The following DPP6 variants were observed in gnomAD, a reference collection of about 807,000 sequenced individuals.
The protein encoded by DPP6 is dipeptidyl peptidase like 6, also known as A-type potassium channel modulatory protein DPP6.
A neutral mutation model predicts 122.6 loss-of-function variants in DPP6; 69 were observed. The observed-to-expected ratio is 0.56, with a 90% CI of 0.46 to 0.69. The LOEUF is 0.69. Among genes scored for constraint, DPP6 ranks in the 30% least tolerant of loss-of-function variants. DPP6 has a pLI of 0.00. For missense variants in DPP6, 928 were observed against 1,116.9 expected (o/e 0.83, Z 2.41); for synonymous variants, 418 against 433.1 (o/e 0.97, Z 0.43).
chr7:154,296,458 C>T (rs1805549838), intron 1 of DPP6, among the ~76,000 whole-genome samples: 1 of 152,172 alleles, frequency 6.6e-6, no homozygotes, highest in African/African-American at 2.4e-5. Flanking sequence ...AAGCAGCTAG[C>T]ACATAGCAGT....
At chr7:154,455,342 A>G (rs1425353016) in intron 2 of DPP6, among the ~76,000 whole-genome samples, 3 of 152,284 alleles carry the variant, frequency 2.0e-5, no homozygotes, top group Middle Eastern at 6.8e-3. Flanking sequence ...AGTCAGAAGA[A>G]GGCAGAGAGG....
chr7:154,089,986 C>A (rs1804691548), intron 1 of DPP6, among the ~76,000 whole-genome samples: 2 of 152,316 alleles, frequency 1.3e-5, no homozygotes, highest in East Asian at 3.9e-4. Context: ...CAAGTGAGAC[C>A]AGACTGTTTT....
At chr7:154,782,101 T>G (rs1797063381) in intron 10 of DPP6, among the ~76,000 whole-genome samples, 1 of 152,198 alleles carries the variant, frequency 6.6e-6, no homozygotes, top group Non-Finnish European at 1.5e-5. Flanking sequence ...CCCCACCCTG[T>G]GCTGAAGTTA....
chr7:154,728,930 C>CTCCA (rs1382697585), intron 8 of DPP6, among the ~76,000 whole-genome samples: 1 of 152,218 alleles, frequency 6.6e-6, no homozygotes, highest in Admixed American at 6.5e-5. Flanking sequence ...CTTACAAAGG[C>CTCCA]TCCACCTCCT....
intron 1 of DPP6, among the ~76,000 whole-genome samples, chr7:154,101,332 G>A (rs58770799): frequency 0.45 from 57,542 of 126,652 alleles, 14,354 homozygotes; most frequent in East Asian, 0.54. Context: ...GCTAGAGCCT[G>A]GAGCTCAGTA....
At chr7:153,803,965 G>GA in the DPP6 span, among the ~76,000 whole-genome samples, 6 of 151,392 alleles carry the variant, frequency 4.0e-5, no homozygotes, top group Admixed American at 3.9e-4. Context: ...TACTCCCCAA[G>GA]AATTTCAAGT....
At chr7:154,727,680 C>A (rs987285362) in intron 7 of DPP6, 87 bp from the exon 8 acceptor site, 44 of 1,461,252 alleles carry the variant, frequency 3.0e-5, no homozygotes, top group Middle Eastern at 4.9e-4. Context: ...AATGAAAACC[C>A]GGTTGATGAT....
chr7:154,114,699 A>G (rs1806850875), intron 1 of DPP6, among the ~76,000 whole-genome samples: 1 of 152,192 alleles, frequency 6.6e-6, no homozygotes. Flanking sequence ...TGCACTCTCC[A>G]TACTGATGTT....
rs1236016076 is a variant in DPP6 at position 154,241,129 on chromosome 7, A to G, written c.243+188066A>G. Among the ~76,000 whole-genome samples, 1 of 151,464 alleles carries G rather than the reference A, an allele frequency of 6.6e-6. No homozygotes were observed. The highest frequency in any genetic ancestry group is 6.6e-5 in the Admixed American group (1 of 15,152). On this transcript the variant is annotated intron_variant, in intron 1 of 25. Transcript: ENST00000377770. This position sits in a 1 kb window ranked among gnomAD's most constrained non-coding sequence, Gnocchi z 9.0. ...ATGTAACCACATACTGCTTTGCACC[A>G]ATGATTGGGCACAAATATAAACATA...
intron 1 of DPP6, among the ~76,000 whole-genome samples, chr7:154,321,832 AGAG>A (rs1807992654): frequency 6.6e-6 from 1 of 151,466 alleles, no homozygotes; most frequent in Admixed American, 6.6e-5. Flanking sequence ...ATGGCTTTAC[AGAG>A]GAGCTTCTCT....
At chr7:154,810,058 GT>G (rs1798953951) in intron 16 of DPP6, among the ~76,000 whole-genome samples, 1 of 152,208 alleles carries the variant, frequency 6.6e-6, no homozygotes, top group Admixed American at 6.5e-5. Context: ...GTTTTGCCAT[GT>G]TGGCCAGGCT....
intron 1 of DPP6, among the ~76,000 whole-genome samples, chr7:154,046,943 C>T (rs544526491): frequency 4.4e-4 from 67 of 152,054 alleles, no homozygotes; most frequent in African/African-American, 1.5e-3. Flanking sequence ...TTTCTATTAG[C>T]CTGCAGGAGA....
chr7:154,179,184 A>G (rs906962509), intron 1 of DPP6, among the ~76,000 whole-genome samples: 6 of 152,226 alleles, frequency 3.9e-5, no homozygotes, highest in Admixed American at 1.3e-4. Context: ...GAGAGGAGGA[A>G]GACTGAGTGT....
intron 1 of DPP6, among the ~76,000 whole-genome samples, chr7:154,392,068 G>A (rs1442510563): frequency 6.6e-6 from 1 of 152,196 alleles, no homozygotes; most frequent in Admixed American, 6.5e-5. Flanking sequence ...GAGCTCAGGA[G>A]TTCGAGACCA....
intron 1 of DPP6, among the ~76,000 whole-genome samples, chr7:153,939,946 C>A (rs147844483): frequency 6.6e-6 from 1 of 152,114 alleles, no homozygotes; most frequent in Non-Finnish European, 1.5e-5. Flanking sequence ...GAAACATGCC[C>A]GATCGTAAGG....
the DPP6 span, among the ~76,000 whole-genome samples, chr7:153,867,226 T>C: frequency 6.6e-6 from 1 of 152,190 alleles, no homozygotes; most frequent in South Asian, 2.1e-4. Context: ...ATTGAATCTA[T>C]AAATTACCTT....
chr7:154,851,598 C>G (rs1294348037), intron 16 of DPP6, among the ~76,000 whole-genome samples: 2 of 152,188 alleles, frequency 1.3e-5, no homozygotes, highest in South Asian at 2.1e-4. Context: ...AGTGCTGCCT[C>G]TTTGGGTATA....
At chr7:154,561,391 T>C (rs531238801) in intron 4 of DPP6, among the ~76,000 whole-genome samples, 5 of 152,302 alleles carry the variant, frequency 3.3e-5, no homozygotes, top group Admixed American at 2.0e-4. Context: ...ATGGAAATTA[T>C]ACAAAGTATG....
intron 1 of DPP6, among the ~76,000 whole-genome samples, chr7:154,421,116 G>A (rs1277776189): frequency 3.3e-5 from 5 of 152,036 alleles, no homozygotes; most frequent in South Asian, 2.1e-4. Flanking sequence ...CCCACGTCAC[G>A]TCTGACACTC....
Sources: allele counts gnomAD v4.1 joint callset (sites outside exome capture counted in the v4.1 genomes callset), GRCh38; gene constraint gnomAD v4.1.1; non-coding constraint Gnocchi (gnomAD v3.1); transcripts MANE v1.5; gene names NCBI Gene and HGNC (gene_info 2026-07-23, HGNC 2026-07-21).